Variants in GRIK4 observed in about 807,000 individuals in gnomAD.
GRIK4 encodes the protein glutamate ionotropic receptor kainate type subunit 4, also known as glutamate receptor ionotropic, kainate 4.
A neutral mutation model predicts 104.9 loss-of-function variants in GRIK4; 40 were observed. That is an observed-to-expected ratio of 0.38 (90% confidence interval 0.30 to 0.50). The LOEUF (loss-of-function observed/expected upper bound fraction) is 0.50, where lower values mean the gene tolerates loss of function less well. Ranked by LOEUF, GRIK4 falls within the 20% of genes least tolerant of loss-of-function variation. GRIK4 has a pLI of 0.93. For synonymous variants in GRIK4, 485 were observed against 524.9 expected, an observed-to-expected ratio of 0.92 and a Z score of 1.04; for missense variants, 1,047 against 1,308.1, an observed-to-expected ratio of 0.80 and a Z score of 3.08.
At chr11:120,799,130 G>A (rs1316953009) in intron 3 of GRIK4, among the ~76,000 whole-genome samples, 3 of 152,164 alleles carry the variant, frequency 2.0e-5, no homozygotes, top group Non-Finnish European at 4.4e-5. Flanking sequence ...CAGTCCCCAG[G>A]CCCACAGGGG....
In GRIK4 at chr11:120,816,773, C is replaced by T. The variant is rs150539495; in HGVS notation, c.345+1298C>T. Among the ~76,000 whole-genome samples, 225 of 152,260 alleles carry T rather than the reference C, an allele frequency of 1.5e-3. 1 individual carries two copies. Among genetic ancestry groups the T allele is most frequent in the South Asian group, 0.013 (64 of 4,824 alleles). On this transcript the variant is annotated intron_variant, in intron 5 of 20. Transcript: ENST00000527524. ...TAAGTGCCGCGATCCTAGTCCTGGT[C>T]GCGTTGGTCCTGCTCCTCCAGTAGC...
chr11:120,739,874 CTT>C (rs1001098985), intron 3 of GRIK4, among the ~76,000 whole-genome samples: 2 of 152,160 alleles, frequency 1.3e-5, no homozygotes, highest in African/African-American at 4.8e-5. Context: ...CCAGAGGTGA[CTT>C]TTGTGGCTCC....
chr11:120,842,719 T>C (rs1184416287), intron 8 of GRIK4, among the ~76,000 whole-genome samples: 1 of 152,242 alleles, frequency 6.6e-6, no homozygotes, highest in Non-Finnish European at 1.5e-5. Flanking sequence ...TTCGGCTCTT[T>C]ACTCTGCAAG....
At chr11:120,712,555 G>A (rs1950754152) in intron 3 of GRIK4, among the ~76,000 whole-genome samples, 1 of 151,650 alleles carries the variant, frequency 6.6e-6, no homozygotes, top group Non-Finnish European at 1.5e-5. Context: ...TGGGAGGCCA[G>A]CATTGGAGGA....
intron 3 of GRIK4, among the ~76,000 whole-genome samples, chr11:120,742,614 G>A (rs138252810): frequency 0.038 from 5,718 of 151,750 alleles, 363 homozygotes; most frequent in African/African-American, 0.13. Flanking sequence ...TCAAAAAATA[G>A]CAGATGCTGT....
intron 1 of GRIK4, among the ~76,000 whole-genome samples, chr11:120,596,849 C>T (rs991837434): frequency 2.0e-5 from 3 of 151,978 alleles, no homozygotes; most frequent in Non-Finnish European, 4.4e-5. Flanking sequence ...CTCAGCCTGC[C>T]GAGTGGCTGG....
At position 120,953,205 on chromosome 11, in the gene GRIK4, G is replaced by A. The variant is rs1046411545; in HGVS notation, c.1700+241G>A. Among the ~76,000 whole-genome samples the A allele has an allele frequency of 2.6e-5, 4 of 152,098 alleles. No homozygotes were observed. The highest frequency in any genetic ancestry group is 9.7e-5 in the African/African-American group (4 of 41,410). On this transcript the variant is annotated intron_variant, in intron 15 of 20. Transcript: ENST00000527524. The surrounding 1 kb of genome is among the most constrained non-coding windows in gnomAD (Gnocchi z 4.9). ...GACGCAGACAGGTGGCTTGGCTTCT[G>A]CACCTCTGCCTCCTGTCCCCTCCCA...
chr11:120,985,891 C>T lies in GRIK4; in HGVS notation c.2515-13C>T. 1 of 1,550,886 alleles carries T rather than the reference C, an allele frequency of 6.4e-7. No individual in the cohort carries two copies. Among genetic ancestry groups the T allele is most frequent in the South Asian group, 1.2e-5 (1 of 84,188 alleles). On this transcript the variant is annotated splice_polypyrimidine_tract_variant and intron_variant, in intron 20 of 20. Transcript: ENST00000527524. Reference sequence around the variant, plus strand: ...GTTGAGAGGCTGGGCCCTGACCTCGCTGTCTCCTCCAGGTGTCCGTCTGCC... The same window carrying T: ...GTTGAGAGGCTGGGCCCTGACCTCGTTGTCTCCTCCAGGTGTCCGTCTGCC...
At chr11:120,527,127 G>T (rs1289335304) in intron 1 of GRIK4, among the ~76,000 whole-genome samples, 1 of 152,234 alleles carries the variant, frequency 6.6e-6, no homozygotes, top group Admixed American at 6.5e-5. Context: ...CCAGTCCTGG[G>T]GAACCTGGAG....
At chr11:120,794,961 AGG>A (rs1952481704) in intron 3 of GRIK4, among the ~76,000 whole-genome samples, 1 of 152,072 alleles carries the variant, frequency 6.6e-6, no homozygotes. Context: ...CAGAGGACAG[AGG>A]TGCCAGATGA....
intron 1 of GRIK4, among the ~76,000 whole-genome samples, chr11:120,538,670 T>C (rs1948002933): frequency 1.3e-5 from 2 of 152,186 alleles, no homozygotes; most frequent in Non-Finnish European, 2.9e-5. Context: ...TTGCTGCTGG[T>C]CTGAGATCTT....
chr11:120,939,738 T>G lies in GRIK4; in HGVS notation c.1477-609T>G, dbSNP rs1195919437. On this transcript the variant is annotated intron_variant, in intron 13 of 20. Coordinates refer to ENST00000527524, the MANE Select transcript of GRIK4 (RefSeq NM_014619.5). This position sits in a 1 kb window ranked among gnomAD's most constrained non-coding sequence, Gnocchi z 5.6. ...GGCTCATGCCTATAATCCCATCACTTTGGGAGGCCAGGGCGGGCAGATCAC... is the reference window on the plus strand; with the variant it reads ...GGCTCATGCCTATAATCCCATCACTGTGGGAGGCCAGGGCGGGCAGATCAC... Among the ~76,000 whole-genome samples the G allele has an allele frequency of 1.3e-5, 2 of 152,146 alleles. No individual in the cohort carries two copies. Among genetic ancestry groups the G allele is most frequent in the Non-Finnish European group, 2.9e-5 (2 of 68,036 alleles).
In GRIK4 at chr11:120,832,496, T is replaced by G. The variant is rs375344980; in HGVS notation, c.690+466T>G. 3.9e-5 allele frequency among the ~76,000 whole-genome samples: 6 copies of G among 152,320 alleles called. No individual in the cohort carries two copies. In the South Asian group the frequency reaches 1.2e-3, roughly 32 times the overall value. Reference sequence around the variant, plus strand: ...GCACAACAGTTACACAGCACTTCTGTGTAGTCGATCTCCCAGCGTAGAGCT... The same window carrying G: ...GCACAACAGTTACACAGCACTTCTGGGTAGTCGATCTCCCAGCGTAGAGCT... On this transcript the variant is annotated intron_variant, in intron 7 of 20. Coordinates refer to ENST00000527524, the MANE Select transcript of GRIK4 (RefSeq NM_014619.5).
intron 9 of GRIK4, among the ~76,000 whole-genome samples, chr11:120,866,497 G>A (rs1017546522): frequency 1.3e-5 from 2 of 152,184 alleles, no homozygotes; most frequent in African/African-American, 4.8e-5. Flanking sequence ...TTAAAAGATA[G>A]AAACCCTGAC....
chr11:120,811,541 G>A (rs1000670240), intron 4 of GRIK4, among the ~76,000 whole-genome samples: 3 of 152,140 alleles, frequency 2.0e-5, no homozygotes, highest in Admixed American at 6.5e-5. Context: ...AATTAAATAT[G>A]TCAGTTCCCG....
chr11:120,664,244 TC>T (rs1565281210), intron 3 of GRIK4, among the ~76,000 whole-genome samples: 1 of 152,218 alleles, frequency 6.6e-6, no homozygotes, highest in East Asian at 1.9e-4. Flanking sequence ...GGAGAAAATG[TC>T]CATCTGTCTG....
intron 3 of GRIK4, among the ~76,000 whole-genome samples, chr11:120,692,635 G>C (rs1340594771): frequency 1.3e-5 from 2 of 152,174 alleles, no homozygotes; most frequent in Non-Finnish European, 2.9e-5. Context: ...GTTACAAGGA[G>C]GACAGACAGT....
intron 3 of GRIK4, among the ~76,000 whole-genome samples, chr11:120,790,471 A>G (rs552490082): frequency 5.3e-5 from 8 of 152,192 alleles, no homozygotes; most frequent in South Asian, 2.1e-4. Flanking sequence ...GGATTTGGAC[A>G]TGGGTTTTAA....
At chr11:120,895,850 T>G (rs1942564386) in intron 11 of GRIK4, among the ~76,000 whole-genome samples, 1 of 152,162 alleles carries the variant, frequency 6.6e-6, no homozygotes, top group African/African-American at 2.4e-5. Flanking sequence ...TATTACCCTT[T>G]CCCCATTCAT....
Sources: allele counts gnomAD v4.1 joint callset (sites outside exome capture counted in the v4.1 genomes callset), GRCh38; gene constraint gnomAD v4.1.1; non-coding constraint Gnocchi (gnomAD v3.1); transcripts MANE v1.5; gene names NCBI Gene and HGNC (gene_info 2026-07-23, HGNC 2026-07-21).